The following RRN3 variants were observed in gnomAD, a reference collection of about 807,000 sequenced individuals.
The protein encoded by RRN3 is RNA polymerase I-specific transcription initiation factor RRN3.
RRN3 carries 38 observed loss-of-function variants against 82.3 expected under a neutral mutation model. The ratio of observed to expected loss-of-function variants is 0.46; its 90% CI spans 0.36 to 0.61. The LOEUF is 0.61. Ranked by LOEUF, RRN3 falls within the 20% of genes least tolerant of loss-of-function variation. RRN3 has a pLI of 0.00. For missense variants in RRN3, 726 were observed against 793.1 expected, an observed-to-expected ratio of 0.92 and a Z score of 1.02; for synonymous variants, 284 against 284.3, an observed-to-expected ratio of 1.00 and a Z score of 0.01.
intron 17 of RRN3, 66 bp from the exon 18 acceptor site, chr16:15,061,971 T>C: frequency 6.8e-7 from 1 of 1,464,022 alleles, no homozygotes; most frequent in Non-Finnish European, 9.5e-7. Context: ...CAACAATTCC[T>C]TCCTCAGGAA....
intron 14 of RRN3, among the ~76,000 whole-genome samples, chr16:15,069,472 A>G (rs1453738957): frequency 6.6e-6 from 1 of 152,224 alleles, no homozygotes; most frequent in African/African-American, 2.4e-5. Context: ...ACACTAATCT[A>G]ATAAGTTTCA....
chr16:15,089,010 A>C (rs2046014831), intron 3 of RRN3, among the ~76,000 whole-genome samples: 1 of 152,154 alleles, frequency 6.6e-6, no homozygotes, highest in Admixed American at 6.5e-5. Flanking sequence ...GACAGTTAAG[A>C]AACAAGTCTA....
intron 3 of RRN3, among the ~76,000 whole-genome samples, chr16:15,089,539 G>A (rs1008752254): frequency 5.3e-5 from 8 of 152,066 alleles, no homozygotes; most frequent in African/African-American, 1.7e-4. Context: ...GGTTACTCAC[G>A]CCTCTAATCC....
At chr16:15,086,569 A>C in intron 3 of RRN3, 115 bp from the exon 4 acceptor site, 1 of 1,474,432 alleles carries the variant, frequency 6.8e-7, no homozygotes, top group Non-Finnish European at 9.1e-7. Flanking sequence ...AAGGTCACAA[A>C]CTTGGAAGGA....
chr16:15,074,996 GC>G, intron 10 of RRN3, 135 bp from the exon 11 acceptor site: 2 of 876,436 alleles, frequency 2.3e-6, no homozygotes, highest in Non-Finnish European at 3.4e-6. Context: ...ACATCTATAA[GC>G]CCAGCACTTT....
At chr16:15,082,770 C>A (rs1361927505) in intron 8 of RRN3, among the ~76,000 whole-genome samples, 1 of 151,842 alleles carries the variant, frequency 6.6e-6, no homozygotes, top group Non-Finnish European at 1.5e-5. Flanking sequence ...ATTCGGTTTT[C>A]TACTAAGGCA....
intron 3 of RRN3, 141 bp downstream of exon 3, chr16:15,091,174 C>G (rs961718856): frequency 5.7e-5 from 48 of 841,934 alleles, no homozygotes; most frequent in Admixed American, 1.2e-4. Flanking sequence ...AAAACTGTCC[C>G]TGGTTGAGAA....
At chr16:15,079,124 C>G (rs1054240465) in intron 9 of RRN3, among the ~76,000 whole-genome samples, 5 of 151,954 alleles carry the variant, frequency 3.3e-5, no homozygotes, top group Non-Finnish European at 4.4e-5. Flanking sequence ...CTTCATATTT[C>G]TAACTACCAT....
At chr16:15,075,827 T>TATCC (rs2045429776) in intron 10 of RRN3, among the ~76,000 whole-genome samples, 1 of 152,114 alleles carries the variant, frequency 6.6e-6, no homozygotes, top group Admixed American at 6.5e-5. Context: ...CAGGTCGGGA[T>TATCC]ATCCACCTCC....
chr16:15,061,621 A>T lies in RRN3; in HGVS notation c.*123T>A, dbSNP rs2044713098. ...ATTCAGTCGAACCTGGAAGTGCCAC[A>T]GCCGAGGCAGGCACTCGCTCTAGTT... On this transcript the variant is annotated 3_prime_UTR_variant, in exon 18 of 18. Transcript: ENST00000198767. The T allele has an allele frequency of 3.5e-6, 3 of 847,518 alleles. No homozygotes were observed. The East Asian group carries it at 7.8e-5, about 22-fold the overall frequency. 52.5% of individuals were successfully genotyped at this position (847,518 alleles called of 1,614,324 possible). A position where few individuals can be genotyped will look rare whatever the true frequency, so the allele number is the denominator to read the frequency against.
rs1167077814 is a variant in RRN3 at position 15,065,258 on chromosome 16, A to G, written c.1667T>C (p.Leu556Pro). Residue 556 changes from leucine (L) to proline (P), a missense_variant, in exon 16 of 18, where the codon CTG (leucine) becomes CCG (proline). By Grantham distance (98) the Leu-to-Pro change is moderately conservative. Around this residue, in one of 4 missense-constraint regions of RRN3, gnomAD observed 166 missense variants for 154.8 expected, o/e 1.07. Coordinates refer to ENST00000198767, the MANE Select transcript of RRN3 (RefSeq NM_018427.5). ...GDSVQICTNP[L>P]DTFFPFDPCV... ...GGGATCAAAGGGGAAGAAGGTGTCC[A>G]GCGGGTTTGTGCAGATCTGCACTGA... The G allele has an allele frequency of 6.2e-7, 1 of 1,613,884 alleles. No homozygotes were observed. Among genetic ancestry groups the G allele is most frequent in the Non-Finnish European group, 8.5e-7 (1 of 1,179,826 alleles).
At position 15,074,450 on chromosome 16, in the gene RRN3, T is replaced by G. The variant is rs1567200493; in HGVS notation, c.997+273A>C. Among the ~76,000 whole-genome samples the G allele has an allele frequency of 6.6e-5, 10 of 152,320 alleles. 1 individual carries two copies. The South Asian group carries it at 2.1e-3, about 32-fold the overall frequency. On this transcript the variant is annotated intron_variant, in intron 11 of 17. Transcript: ENST00000198767. ...AGTGCATTCAGCAACTTGAGCGTAA[T>G]TTGATCTAAAACTGGCCAAACTCCA...
chr16:15,070,208 A>G lies in RRN3; in HGVS notation c.1306T>C (p.Tyr436His), dbSNP rs2045162378. The change falls in exon 14 of 18, where the codon TAC (tyrosine) becomes CAC (histidine). Residue 436 changes from tyrosine (Y) to histidine (H), a missense_variant. Tyr to His is a moderately conservative substitution (Grantham distance 83, BLOSUM62 2). Around this residue, in one of 4 missense-constraint regions of RRN3, gnomAD observed 81 missense variants for 156.4 expected, o/e 0.52. Transcript: ENST00000198767. ...GTTCCCGAATCCTGGTTATTAAGGT[A>G]TATGTGCAGCCAGTTAACCAAAAGA... The part of the protein sequence containing the change: ...LDLLVNWLHI[Y>H]LNNQDSGTKA... 1.2e-6 allele frequency: 2 copies of G among 1,606,546 alleles called. No individual in the cohort carries two copies. Among genetic ancestry groups the G allele is most frequent in the African/African-American group, 1.3e-5 (1 of 74,324 alleles).
intron 10 of RRN3, chr16:15,076,313 C>G (rs1021888485): frequency 5.0e-6 from 3 of 596,230 alleles, no homozygotes; most frequent in East Asian, 2.7e-5. Context: ...AAAACAAACA[C>G]TGAAAGTTAC....
intron 3 of RRN3, among the ~76,000 whole-genome samples, chr16:15,088,691 C>G (rs987551546): frequency 6.6e-6 from 1 of 152,048 alleles, no homozygotes; most frequent in Non-Finnish European, 1.5e-5. Context: ...TCTGGAAGTT[C>G]TGCTTCTTAC....
chr16:15,092,204 T>C (rs1468117813), intron 2 of RRN3, among the ~76,000 whole-genome samples: 1 of 152,080 alleles, frequency 6.6e-6, no homozygotes, highest in Admixed American at 6.6e-5. Flanking sequence ...TAAAATGGTG[T>C]AATTGTTTTT....
At chr16:15,070,708 T>C (rs1004651834) in intron 13 of RRN3, among the ~76,000 whole-genome samples, 51 of 152,064 alleles carry the variant, frequency 3.4e-4, no homozygotes, top group African/African-American at 1.2e-3. Context: ...TCCAAAGGTA[T>C]CTTTATGGGC....
At chr16:15,083,453 T>C (rs1336433759) in intron 8 of RRN3, 60 bp downstream of exon 8, 3 of 1,601,692 alleles carry the variant, frequency 1.9e-6, no homozygotes, top group Admixed American at 1.7e-5. Context: ...CCTAATATCA[T>C]CTAAAATGAA....
intron 8 of RRN3, among the ~76,000 whole-genome samples, chr16:15,082,478 G>C (rs2045748481): frequency 6.6e-6 from 1 of 152,078 alleles, no homozygotes; most frequent in Admixed American, 6.5e-5. Context: ...TTCAAGACCA[G>C]TCTGGCCAAC....
Sources: gnomAD v4.1 joint callset for allele counts (sites outside exome capture counted in the v4.1 genomes callset) on GRCh38, gnomAD v4.1.1 for gene constraint, gnomAD v4.1.1 regional missense constraint, MANE v1.5 for transcripts, NCBI Gene and HGNC (gene_info 2026-07-23, HGNC 2026-07-21) for gene names.